Variants in CFAP46 observed in about 807,000 individuals in gnomAD.
CFAP46 encodes the protein cilia- and flagella-associated protein 46.
Under a neutral mutation model 325.7 loss-of-function variants are expected in CFAP46, and 245 were observed. That is an observed-to-expected ratio of 0.75 (90% CI 0.68 to 0.84). The LOEUF (loss-of-function observed/expected upper bound fraction) is 0.84, where lower values mean the gene tolerates loss of function less well. Ranked by LOEUF, CFAP46 falls within the 40% of genes least tolerant of loss-of-function variation. The pLI is 0.00. For missense variants in CFAP46, 3,346 were observed against 3,543.0 expected, an observed-to-expected ratio of 0.94 and a Z score of 1.41; for synonymous variants, 1,523 against 1,495.9, an observed-to-expected ratio of 1.02 and a Z score of -0.42.
chr10:132,935,174 C>T (rs1407431182), intron 7 of CFAP46, among the ~76,000 whole-genome samples: 6 of 152,054 alleles, frequency 3.9e-5, no homozygotes, highest in African/African-American at 1.2e-4. Context: ...TGCTCAACGG[C>T]GATAGGACCT....
In CFAP46 at chr10:132,916,514, G is replaced by A. The variant is rs750926626; in HGVS notation, c.2120+35C>T. On this transcript the variant is annotated intron_variant, in intron 17 of 57. Transcript: ENST00000368586. ...AGGGGACACTCTGACCCACGGCCCC[G>A]GGCGGTGCTCAAGGCCACTGTCGCC... is the stretch of plus-strand genomic sequence containing the variant. 100 of 1,538,536 alleles carry A rather than the reference G, an allele frequency of 6.5e-5. No homozygotes were observed. In the Middle Eastern group the frequency reaches 6.8e-4, roughly 10 times the overall value.
In CFAP46 at chr10:132,889,427, C is replaced by T. The variant is rs1849224413; in HGVS notation, c.3304+2906G>A. ...GCTCACTGTGGCCTTCACACTCTGCCAGGCCCTCCTCACCCAGGCACTGGC... is the reference window on the plus strand; with the variant it reads ...GCTCACTGTGGCCTTCACACTCTGCTAGGCCCTCCTCACCCAGGCACTGGC... On this transcript the variant is annotated intron_variant, in intron 25 of 57. Coordinates refer to ENST00000368586, the MANE Select transcript of CFAP46 (RefSeq NM_001200049.3). The surrounding 1 kb of genome is among the most constrained non-coding windows in gnomAD (Gnocchi z 6.0). Among the ~76,000 whole-genome samples, 1 of 152,212 alleles carries T rather than the reference C, an allele frequency of 6.6e-6. No individual in the cohort carries two copies. Among genetic ancestry groups the T allele is most frequent in the Non-Finnish European group, 1.5e-5 (1 of 68,028 alleles).
intron 46 of CFAP46, among the ~76,000 whole-genome samples, chr10:132,835,793 G>C (rs1241145721): frequency 6.6e-6 from 1 of 151,908 alleles, no homozygotes; most frequent in Non-Finnish European, 1.5e-5. Context: ...GAAGGAAAGG[G>C]CCCGTGTGCA....
At chr10:132,863,812 C>CA (rs1848759848) in intron 35 of CFAP46, among the ~76,000 whole-genome samples, 1 of 144,092 alleles carries the variant, frequency 6.9e-6, no homozygotes, top group African/African-American at 2.6e-5. Flanking sequence ...GACCTGCACG[C>CA]ACCTGTCCCC....
chr10:132,850,967 C>G, intron 40 of CFAP46, 150 bp downstream of exon 40: 1 of 830,404 alleles, frequency 1.2e-6, no homozygotes, highest in East Asian at 2.6e-5. Flanking sequence ...AGACAATGCC[C>G]GGGAGCTCCC....
rs373494955 is a variant in CFAP46 at position 132,902,849 on chromosome 10, T to C, written c.2925-3183A>G. On this transcript the variant is annotated intron_variant, in intron 22 of 57. Transcript: ENST00000368586. ...CTACTGAGATGTGGTTTAGGCTTTGTTGGGGTGAGTCTGCACTCACCCCAT... is the reference window on the plus strand; with the variant it reads ...CTACTGAGATGTGGTTTAGGCTTTGCTGGGGTGAGTCTGCACTCACCCCAT... Among the ~76,000 whole-genome samples, 17 of 152,372 alleles carry C rather than the reference T, an allele frequency of 1.1e-4. No homozygotes were observed. The East Asian group carries it at 3.1e-3, about 28-fold the overall frequency.
In CFAP46 at chr10:132,919,332, T is replaced by C; in HGVS notation, c.1841A>G (p.Lys614Arg). ...CLLYDNVKVK[K>R]LRLRRGKKKR... ...GTACGAACCTCGCCGCAGCCTCAAC[T>C]TCTTCACCTTGACGTTGTCATACAG... The change falls in exon 15 of 58, where the codon AAG becomes AGG. Residue 614 changes from lysine (K) to arginine (R), a missense_variant. Physicochemically the swap from Lys to Arg is conservative, Grantham distance 26. Transcript: ENST00000368586. This position sits in a 1 kb window ranked among gnomAD's most constrained non-coding sequence, Gnocchi z 9.7. 1 of 1,550,052 alleles carries C rather than the reference T, an allele frequency of 6.5e-7. No individual in the cohort carries two copies. Among genetic ancestry groups the C allele is most frequent in the South Asian group, 1.2e-5 (1 of 84,042 alleles).
In CFAP46 at chr10:132,867,443, G is replaced by A; in HGVS notation, c.4675C>T (p.Pro1559Ser). The A allele has an allele frequency of 7.7e-6, 12 of 1,550,568 alleles. No individual in the cohort carries two copies. Among genetic ancestry groups the A allele is most frequent in the Non-Finnish European group, 9.6e-6 (11 of 1,146,990 alleles). ...GGAAGTGTCTGCTCATTCAGTGCTG[G>A]CAGGCTTTCTTCTAATAAAGGCTCC... is the stretch of plus-strand genomic sequence containing the variant. The part of the protein sequence containing the change: ...NKEPLLEESL[P>S]ALNEQTLPVQ... Residue 1559 changes from proline to serine, a missense_variant, in exon 34 of 58, where the codon CCA becomes TCA. By Grantham distance (74) the Pro-to-Ser change is moderately conservative (BLOSUM62 -1). Coordinates refer to ENST00000368586, the MANE Select transcript of CFAP46 (RefSeq NM_001200049.3).
chr10:132,810,759 C>A, intron 56 of CFAP46, 191 bp downstream of exon 56: 1 of 729,520 alleles, frequency 1.4e-6, no homozygotes, highest in Non-Finnish European at 2.5e-6. Context: ...GTGCCAGGGG[C>A]CCGGCTGAGC....
intron 32 of CFAP46, among the ~76,000 whole-genome samples, chr10:132,870,438 A>G (rs1848881609): frequency 6.6e-6 from 1 of 152,212 alleles, no homozygotes; most frequent in Non-Finnish European, 1.5e-5. Context: ...ACAGACTGCA[A>G]GCTCGGCCCC....
Position 132,836,666 on chromosome 10 carries a change from C to T in CFAP46, c.6536+151G>A, listed in dbSNP as rs552000088. On this transcript the variant is annotated intron_variant, in intron 45 of 57. Coordinates refer to ENST00000368586, the MANE Select transcript of CFAP46 (RefSeq NM_001200049.3). ...CCCCCTTGGGGTACCCGGTGTCTGT[C>T]CGGCACCTTCTTGGGACTGTCCGGG... 2.6e-5 allele frequency: 18 copies of T among 700,384 alleles called. No individual in the cohort carries two copies. In the African/African-American group the frequency reaches 2.7e-4, roughly 10 times the overall value. The allele number at this position is 700,384 out of a possible 1,614,324, so 43.4% of individuals were successfully genotyped here.
chr10:132,858,867 G>A (rs1848685148), intron 38 of CFAP46, among the ~76,000 whole-genome samples: 1 of 152,166 alleles, frequency 6.6e-6, no homozygotes, highest in Non-Finnish European at 1.5e-5. Context: ...CAGGGGCAAC[G>A]GGGGCTCCCC....
chr10:132,870,463 A>G, intron 32 of CFAP46, among the ~76,000 whole-genome samples: 1 of 152,190 alleles, frequency 6.6e-6, no homozygotes, highest in Non-Finnish European at 1.5e-5. Context: ...CCAGTTAACC[A>G]AGCTGTAAGT....
chr10:132,929,422 A>G, intron 9 of CFAP46: 1 of 693,972 alleles, frequency 1.4e-6, no homozygotes, highest in Non-Finnish European at 2.7e-6. Context: ...CATCAGCATC[A>G]TGAAATTTTA....
chr10:132,815,750 G>C (rs34425423), intron 50 of CFAP46, among the ~76,000 whole-genome samples: 71,548 of 151,910 alleles, frequency 0.47, 17,043 homozygotes, highest in Admixed American at 0.59. Flanking sequence ...TGTGCCACTG[G>C]ACTCCAGCCT....
intron 16 of CFAP46, among the ~76,000 whole-genome samples, chr10:132,917,769 G>C (rs189947376): frequency 6.6e-6 from 1 of 152,144 alleles, no homozygotes; most frequent in East Asian, 1.9e-4. Context: ...ATAAATATCT[G>C]CAGTGGGTTA....
chr10:132,880,704 C>A (rs1479764823), intron 28 of CFAP46, among the ~76,000 whole-genome samples, 157 bp downstream of exon 28: 2 of 150,840 alleles, frequency 1.3e-5, no homozygotes, highest in East Asian at 2.0e-4. Flanking sequence ...ACGTCAGGGG[C>A]CCCTGCAGAG....
chr10:132,938,116 A>G lies in CFAP46; in HGVS notation c.537-441T>C, dbSNP rs775000205. Among the ~76,000 whole-genome samples the G allele has an allele frequency of 2.0e-5, 3 of 152,116 alleles. No homozygotes were observed. In the East Asian group the frequency reaches 5.8e-4, roughly 29 times the overall value. ...TTCCGCCGCCCGGCACAGTGACCGA[A>G]GCATTGGTGACAGCCTGTGCGGTGA... On this transcript the variant is annotated intron_variant, in intron 5 of 57. Coordinates refer to ENST00000368586, the MANE Select transcript of CFAP46 (RefSeq NM_001200049.3).
chr10:132,810,891 G>C, intron 56 of CFAP46, 59 bp downstream of exon 56: 2 of 1,485,210 alleles, frequency 1.3e-6, no homozygotes, highest in South Asian at 1.2e-5. Context: ...TCCCACGCCC[G>C]TCTGTCTGAC....
Sources: gnomAD v4.1 joint callset for allele counts (sites outside exome capture counted in the v4.1 genomes callset) on GRCh38, gnomAD v4.1.1 for gene constraint, Gnocchi (gnomAD v3.1) non-coding constraint, MANE v1.5 for transcripts, NCBI Gene and HGNC (gene_info 2026-07-23, HGNC 2026-07-21) for gene names.